GALNT7: variants seen among roughly 807,000 people sequenced by gnomAD.
GALNT7 encodes N-acetylgalactosaminyltransferase 7.
A neutral mutation model predicts 82.1 loss-of-function variants in GALNT7; 60 were observed. The ratio of observed to expected loss-of-function variants is 0.73; its 90% CI spans 0.59 to 0.91. GALNT7 has a LOEUF of 0.91. GALNT7 is among the 40% of genes least tolerant of loss of function. The probability of loss-of-function intolerance (pLI) is 0.00; values close to 1 mark genes in which losing one functional copy is unlikely to be tolerated. For synonymous variants in GALNT7, 243 were observed against 275.1 expected, an observed-to-expected ratio of 0.88 and a Z score of 1.15; for missense variants, 660 against 804.2, an observed-to-expected ratio of 0.82 and a Z score of 2.17.
At chr4:173,307,736 C>G (rs1208887261) in intron 8 of GALNT7, among the ~76,000 whole-genome samples, 1 of 152,140 alleles carries the variant, frequency 6.6e-6, no homozygotes, top group Non-Finnish European at 1.5e-5. Context: ...GTTCTAGTGT[C>G]GGGGCAGGCC....
intron 2 of GALNT7, among the ~76,000 whole-genome samples, chr4:173,262,951 G>C (rs1735336083): frequency 6.6e-6 from 1 of 152,026 alleles, no homozygotes; most frequent in African/African-American, 2.4e-5. Context: ...TATTTATGAA[G>C]GTATATTAAG....
At chr4:173,181,349 G>A (rs900908393) in intron 1 of GALNT7, among the ~76,000 whole-genome samples, 6 of 152,162 alleles carry the variant, frequency 3.9e-5, no homozygotes, top group Admixed American at 3.9e-4. Flanking sequence ...CGTCAAAGAG[G>A]CTGGAGAATG....
At chr4:173,277,239 G>A (rs1405744346) in intron 2 of GALNT7, among the ~76,000 whole-genome samples, 3 of 152,196 alleles carry the variant, frequency 2.0e-5, no homozygotes, top group African/African-American at 7.2e-5. Flanking sequence ...CTAGTTGAAA[G>A]GATATATGAG....
At chr4:173,308,021 G>A (rs879872064) in intron 8 of GALNT7, among the ~76,000 whole-genome samples, 9 of 152,212 alleles carry the variant, frequency 5.9e-5, no homozygotes, top group Non-Finnish European at 1.0e-4. Context: ...CTGCATGGCC[G>A]ATACCAATAG....
intron 1 of GALNT7, among the ~76,000 whole-genome samples, chr4:173,239,213 G>A (rs1212916830): frequency 1.3e-5 from 2 of 152,180 alleles, no homozygotes; most frequent in Non-Finnish European, 2.9e-5. Flanking sequence ...TAGATTTGTA[G>A]GGAAATAATG....
intron 8 of GALNT7, among the ~76,000 whole-genome samples, chr4:173,313,706 C>A (rs762546153): frequency 8.6e-5 from 13 of 152,012 alleles, no homozygotes; most frequent in Non-Finnish European, 1.6e-4. Flanking sequence ...ATTATCTCAG[C>A]ATATATGATC....
At chr4:173,254,310 C>G (rs547727157) in intron 2 of GALNT7, among the ~76,000 whole-genome samples, 1 of 152,078 alleles carries the variant, frequency 6.6e-6, no homozygotes, top group East Asian at 1.9e-4. Flanking sequence ...AATTCTTATA[C>G]TGTAATTTTA....
intron 1 of GALNT7, among the ~76,000 whole-genome samples, chr4:173,225,826 T>C (rs1301403376): frequency 6.6e-6 from 1 of 152,178 alleles, no homozygotes; most frequent in Non-Finnish European, 1.5e-5. Flanking sequence ...TGGGGATCAA[T>C]ACCTTTGGAA....
intron 1 of GALNT7, among the ~76,000 whole-genome samples, chr4:173,196,951 C>T (rs1467490484): frequency 2.6e-5 from 4 of 151,936 alleles, no homozygotes; most frequent in Non-Finnish European, 5.9e-5. Flanking sequence ...CTTAAAGAAC[C>T]AGTTTAATGC....
chr4:173,319,198 A>G (rs1339032982), intron 11 of GALNT7, among the ~76,000 whole-genome samples: 1 of 152,148 alleles, frequency 6.6e-6, no homozygotes, highest in African/African-American at 2.4e-5. Context: ...AGATTTATGT[A>G]TAGTTTTCAA....
intron 1 of GALNT7, among the ~76,000 whole-genome samples, chr4:173,211,294 A>T (rs2126671506): frequency 6.6e-6 from 1 of 152,288 alleles, no homozygotes; most frequent in South Asian, 2.1e-4. Flanking sequence ...TTAAGGTAAA[A>T]ATCTCTGCTC....
chr4:173,290,889 G>T (rs907293070), intron 2 of GALNT7, among the ~76,000 whole-genome samples: 1 of 152,104 alleles, frequency 6.6e-6, no homozygotes, highest in Non-Finnish European at 1.5e-5. Context: ...CTGTAAGAAC[G>T]CAAGGCCTGC....
intron 2 of GALNT7, among the ~76,000 whole-genome samples, chr4:173,289,839 T>C (rs1432917818): frequency 6.6e-6 from 1 of 152,190 alleles, no homozygotes; most frequent in African/African-American, 2.4e-5. Flanking sequence ...TAATTTTACC[T>C]GTTGCTGTGA....
intron 1 of GALNT7, among the ~76,000 whole-genome samples, chr4:173,191,323 C>T (rs1420980236): frequency 6.6e-6 from 1 of 152,008 alleles, no homozygotes; most frequent in East Asian, 1.9e-4. Flanking sequence ...AATGCTGAGA[C>T]CACTCCAATT....
intron 1 of GALNT7, among the ~76,000 whole-genome samples, chr4:173,241,526 A>G (rs529776079): frequency 6.6e-6 from 1 of 152,356 alleles, no homozygotes; most frequent in Admixed American, 6.5e-5. Context: ...ATTGGTTAAC[A>G]AGTTGCAAAA....
At chr4:173,208,717 C>T (rs1170120667) in intron 1 of GALNT7, among the ~76,000 whole-genome samples, 1 of 152,140 alleles carries the variant, frequency 6.6e-6, no homozygotes, top group Admixed American at 6.5e-5. Flanking sequence ...CTCCTTGTAC[C>T]TCCGTCTTTT....
At chr4:173,218,356 G>A (rs1418553628) in intron 1 of GALNT7, among the ~76,000 whole-genome samples, 2 of 152,156 alleles carry the variant, frequency 1.3e-5, no homozygotes, top group African/African-American at 2.4e-5. Context: ...TTGAAAAAAC[G>A]TGAGACGATT....
Position 173,320,098 on chromosome 4 carries a change from G to A in GALNT7, c.1837-1482G>A, listed in dbSNP as rs1737750288. ...TTGGAGAGGGATAGACCTTATTTGA[G>A]GAAGGTAGTGATGGAAAACAATGGC... On this transcript the variant is annotated intron_variant, in intron 11 of 11. Transcript: ENST00000265000. The surrounding 1 kb of genome is among the most constrained non-coding windows in gnomAD (Gnocchi z 4.1). Among the ~76,000 whole-genome samples, 1 of 152,096 alleles carries A rather than the reference G, an allele frequency of 6.6e-6. No individual in the cohort carries two copies. Among genetic ancestry groups the A allele is most frequent in the Non-Finnish European group, 1.5e-5 (1 of 67,982 alleles).
At chr4:173,224,262 G>A (rs1341415038) in intron 1 of GALNT7, among the ~76,000 whole-genome samples, 1 of 152,076 alleles carries the variant, frequency 6.6e-6, no homozygotes, top group Non-Finnish European at 1.5e-5. Flanking sequence ...CCTTTACCAC[G>A]TTTCGAGTAG....
Sources: gnomAD v4.1 joint callset for allele counts (sites outside exome capture counted in the v4.1 genomes callset) on GRCh38, gnomAD v4.1.1 for gene constraint, Gnocchi (gnomAD v3.1) non-coding constraint, MANE v1.5 for transcripts, NCBI Gene and HGNC (gene_info 2026-07-23, HGNC 2026-07-21) for gene names.